The following DBF4B variants were observed in gnomAD, a reference collection of about 807,000 sequenced individuals.
The protein encoded by DBF4B is DBF4B-CDC7 kinase regulatory subunit.
Under a neutral mutation model 53.4 loss-of-function variants are expected in DBF4B, and 49 were observed. The ratio of observed to expected loss-of-function variants is 0.92; its 90% CI spans 0.73 to 1.16. DBF4B has a LOEUF of 1.16. Among genes scored for constraint, DBF4B ranks in the 50% most tolerant of loss-of-function variants. The probability of loss-of-function intolerance (pLI) is 0.00; values close to 1 mark genes in which losing one functional copy is unlikely to be tolerated. For missense variants in DBF4B, 692 were observed against 775.0 expected, an observed-to-expected ratio of 0.89 and a Z score of 1.27; for synonymous variants, 257 against 288.7, an observed-to-expected ratio of 0.89 and a Z score of 1.11.
rs1285430473 is a variant in DBF4B, at chr17:44,734,183, T to G, written c.630+20T>G. 4 of 1,614,116 alleles carry G rather than the reference T, an allele frequency of 2.5e-6. No individual in the cohort carries two copies. Among genetic ancestry groups the G allele is most frequent in the Admixed American group, 3.3e-5 (2 of 60,016 alleles). ...CCAGAGGTAGGTCATCCTGCTGAAC[T>G]GAAGGACAAATGGATGGTTTTCAAT... is the stretch of plus-strand genomic sequence containing the variant. On this transcript the variant is annotated intron_variant, in intron 7 of 13. Coordinates refer to ENST00000315005, the MANE Select transcript of DBF4B (RefSeq NM_145663.3).
intron 2 of DBF4B, among the ~76,000 whole-genome samples, chr17:44,720,767 A>T (rs1488214620): frequency 6.6e-6 from 1 of 152,082 alleles, no homozygotes; most frequent in East Asian, 1.9e-4. Context: ...AAACTAACAC[A>T]TGGTTTTCCA....
intron 3 of DBF4B, among the ~76,000 whole-genome samples, chr17:44,726,685 T>A (rs1486487052): frequency 6.6e-6 from 1 of 152,206 alleles, no homozygotes; most frequent in Non-Finnish European, 1.5e-5. Context: ...TTGAGTGGAT[T>A]ATTAATTTAC....
At position 44,749,488 on chromosome 17, in the gene DBF4B, T is replaced by G. The variant is rs941434919; in HGVS notation, c.1189+1023T>G. 1.2e-5 allele frequency: 16 copies of G among 1,282,692 alleles called. No individual in the cohort carries two copies. The highest frequency in any genetic ancestry group is 1.5e-5 in the Non-Finnish European group (15 of 984,650). The allele number at this position is 1,282,692 out of a possible 1,614,324, so 79.5% of individuals were successfully genotyped here. A position where few individuals can be genotyped will look rare whatever the true frequency, so the allele number is the denominator to read the frequency against. Reference sequence around the variant, plus strand: ...CTAGAAGGAGGCCCGGGCCTGGCCTTTGAAGTCCAGCAAGCAGCTGTCACG... The same window carrying G: ...CTAGAAGGAGGCCCGGGCCTGGCCTGTGAAGTCCAGCAAGCAGCTGTCACG... On this transcript the variant is annotated intron_variant, in intron 13 of 13. Transcript: ENST00000315005. This position sits in a 1 kb window ranked among gnomAD's most constrained non-coding sequence, Gnocchi z 4.4.
rs534288914 is a variant in DBF4B at position 44,732,212 on chromosome 17, G to T, written c.503G>T (p.Ser168Ile). The T allele has an allele frequency of 1.1e-5, 18 of 1,614,030 alleles. No individual in the cohort carries two copies. In the Admixed American group the frequency reaches 3.0e-4, roughly 27 times the overall value. ...AGTGGAGGAGGCAGTGGGGGCAGCAGCAGCCTCCTGACCAATGCCCGCTCT... is the reference window on the plus strand; with the variant it reads ...AGTGGAGGAGGCAGTGGGGGCAGCATCAGCCTCCTGACCAATGCCCGCTCT... The part of the protein sequence containing the change: ...SISGGGSGGS[S>I]SLLTNARSWG... Residue 168 changes from serine (S) to isoleucine (I), a missense_variant, in exon 6 of 14, where the codon AGC becomes ATC. Transcript: ENST00000315005.
chr17:44,751,241 A>G lies in DBF4B; in HGVS notation c.1836A>G (p.Val612=). ...TTCTCCATTGCGGCTTCCTGGCTGTAGACTCAGGTTAGAGGTGAACCCAGA... is the reference window on the plus strand; with the variant it reads ...TTCTCCATTGCGGCTTCCTGGCTGTGGACTCAGGTTAGAGGTGAACCCAGA... The part of the protein sequence containing the change: ...QPFLHCGFLA[V]DSG Residue 612 remains valine (V), a synonymous_variant, in exon 14 of 14, where the codon GTA becomes GTG. Coordinates refer to ENST00000315005, the MANE Select transcript of DBF4B (RefSeq NM_145663.3). The G allele has an allele frequency of 6.2e-7, 1 of 1,612,978 alleles. No homozygotes were observed. The highest frequency in any genetic ancestry group is 8.5e-7 in the Non-Finnish European group (1 of 1,179,614).
Position 44,730,982 on chromosome 17 carries a change from G to C in DBF4B, c.435G>C (p.Gly145=). The C allele has an allele frequency of 6.2e-7, 1 of 1,614,054 alleles. No individual in the cohort carries two copies. Among genetic ancestry groups the C allele is most frequent in the South Asian group, 1.1e-5 (1 of 91,078 alleles). The change falls in exon 5 of 14, where the codon GGG becomes GGC. Residue 145 remains glycine, a synonymous_variant. Coordinates refer to ENST00000315005, the MANE Select transcript of DBF4B (RefSeq NM_145663.3). Reference sequence around the variant, plus strand: ...CCTGTCAGGTGCCTCTAAGCAGAGGGAAGGAGCTGCTGCAGAAGGCTATCA... The same window carrying C: ...CCTGTCAGGTGCCTCTAAGCAGAGGCAAGGAGCTGCTGCAGAAGGCTATCA... The part of the protein sequence containing the change: ...KPVDSVPLSR[G]KELLQKAIRN...
intron 2 of DBF4B, among the ~76,000 whole-genome samples, chr17:44,721,216 T>TCA (rs1973809132): frequency 8.5e-6 from 1 of 118,036 alleles, no homozygotes; most frequent in African/African-American, 3.8e-5. Context: ...AACTAATTCT[T>TCA]CCCCCCCCCT....
Position 44,741,341 on chromosome 17 carries a change from T to G in DBF4B, c.719T>G (p.Phe240Cys). Residue 240 changes from phenylalanine (F) to cysteine (C), a missense_variant, in exon 10 of 14, where the codon TTT becomes TGT. Transcript: ENST00000315005. ...FLKIEDESRK[F>C]RPFHHQFKSF... The stretch of plus-strand genomic sequence containing the variant: ...GGAAGTTTTCTCTGTTGCAGGAAGT[T>G]TCGTCCTTTCCATCATCAGTTTAAA... 1 of 1,611,204 alleles carries G rather than the reference T, an allele frequency of 6.2e-7. No homozygotes were observed. Among genetic ancestry groups the G allele is most frequent in the African/African-American group, 1.3e-5 (1 of 74,964 alleles).
Position 44,729,954 on chromosome 17 carries a change from G to A in DBF4B, c.275G>A (p.Arg92His), listed in dbSNP as rs140298749. The change falls in exon 4 of 14, where the codon CGC becomes CAC. Residue 92 changes from arginine to histidine, a missense_variant. Coordinates refer to ENST00000315005, the MANE Select transcript of DBF4B (RefSeq NM_145663.3). Reference protein sequence around the residue: ...SKEVSYIVSSRREVKAESSGK... With the variant: ...SKEVSYIVSSHREVKAESSGK... ...GAAGTAAGTTACATCGTGTCCAGCC[G>A]CAGAGAAGTAAAGGCAGAGAGCAGT... 3.3e-5 allele frequency: 53 copies of A among 1,613,990 alleles called. No homozygotes were observed. The highest frequency in any genetic ancestry group is 2.9e-4 in the East Asian group (13 of 44,882).
chr17:44,715,812 C>CTTTTTTTTTTTTTTTTT (rs869200833), intron 2 of DBF4B, among the ~76,000 whole-genome samples: 18 of 55,540 alleles, frequency 3.2e-4, no homozygotes, highest in South Asian at 6.6e-4. Flanking sequence ...TTCTTTCTTT[C>CTTTTTTTTTTTTTTTTT]TTTTTTTTTT....
intron 2 of DBF4B, among the ~76,000 whole-genome samples, chr17:44,710,976 ATTTTTTTTTTTTTTT>A (rs10522434): frequency 4.1e-5 from 4 of 98,290 alleles, no homozygotes; most frequent in African/African-American, 2.1e-4. Flanking sequence ...TTCCAGTTTG[ATTTTTTTTTTTTTTT>A]TTTTTTTTTT....
chr17:44,750,779 T>C lies in DBF4B; in HGVS notation c.1374T>C (p.Thr458=). ...PASFTQSHLV[T]SLALLPGEWS... ...CCTTTACCCAGTCTCATCTGGTCAC[T>C]TCCTTGGCTCTGCTGCCTGGGGAGT... The change falls in exon 14 of 14, where the codon ACT becomes ACC. Residue 458 remains threonine, a synonymous_variant. Transcript: ENST00000315005. 6.2e-7 allele frequency: 1 copy of C among 1,614,216 alleles called. No homozygotes were observed. The highest frequency in any genetic ancestry group is 8.5e-7 in the Non-Finnish European group (1 of 1,180,038).
chr17:44,741,574 G>C (rs1004590103), intron 10 of DBF4B, 122 bp downstream of exon 10: 7 of 623,488 alleles, frequency 1.1e-5, no homozygotes, highest in Non-Finnish European at 2.0e-5. Flanking sequence ...AGTCTATTCT[G>C]GGAACGTAGC....
rs1169844875 is a variant in DBF4B at position 44,736,817 on chromosome 17, C to T, written c.631-13C>T. The T allele has an allele frequency of 2.5e-6, 4 of 1,613,862 alleles. No individual in the cohort carries two copies. Among genetic ancestry groups the T allele is most frequent in the Non-Finnish European group, 3.4e-6 (4 of 1,179,960 alleles). ...TTCCTCACATCCTTAACCTATTTTT[C>T]CTTTCCATTTAGGGAACATGTCCAG... On this transcript the variant is annotated splice_polypyrimidine_tract_variant and intron_variant, in intron 7 of 13. Transcript: ENST00000315005.
At chr17:44,743,683 T>G (rs966707142) in intron 10 of DBF4B, among the ~76,000 whole-genome samples, 1 of 149,264 alleles carries the variant, frequency 6.7e-6, no homozygotes, top group African/African-American at 2.5e-5. Context: ...TGATCTCTGC[T>G]CACTGCAACC....
chr17:44,748,635 C>T (rs1319451080), intron 13 of DBF4B, 170 bp downstream of exon 13: 5 of 1,503,972 alleles, frequency 3.3e-6, no homozygotes, highest in Non-Finnish European at 3.6e-6. Context: ...CTTGCCAATG[C>T]CTCCTGCCTA....
chr17:44,734,224 T>G, intron 7 of DBF4B, 61 bp downstream of exon 7: 1 of 1,607,138 alleles, frequency 6.2e-7, no homozygotes, highest in Non-Finnish European at 8.5e-7. Context: ...CAGTGACAAC[T>G]TAGGTAAATC....
At position 44,751,106 on chromosome 17, in the gene DBF4B, T is replaced by G. The variant is rs141586281; in HGVS notation, c.1701T>G (p.Ile567Met). The change falls in exon 14 of 14, where the codon ATT becomes ATG. Residue 567 changes from isoleucine to methionine, a missense_variant. Coordinates refer to ENST00000315005, the MANE Select transcript of DBF4B (RefSeq NM_145663.3). ...CCTCATTGTCAACTGCAGGACCCATTCCCCGAACCTCACATCCGTGTACCC... is the reference window on the plus strand; with the variant it reads ...CCTCATTGTCAACTGCAGGACCCATGCCCCGAACCTCACATCCGTGTACCC... ...RVPSLSTAGP[I>M]PRTSHPCTLA... 120 of 1,614,080 alleles carry G rather than the reference T, an allele frequency of 7.4e-5. 1 individual carries two copies. In the African/African-American group the frequency reaches 1.4e-3, roughly 19 times the overall value.
chr17:44,735,242 C>T (rs1975268606), intron 7 of DBF4B, among the ~76,000 whole-genome samples: 1 of 152,204 alleles, frequency 6.6e-6, no homozygotes, highest in Non-Finnish European at 1.5e-5. Flanking sequence ...AATTCTCGCC[C>T]TGCTCCAGCT....
Sources: allele counts gnomAD v4.1 joint callset (sites outside exome capture counted in the v4.1 genomes callset), GRCh38; gene constraint gnomAD v4.1.1; non-coding constraint Gnocchi (gnomAD v3.1); transcripts MANE v1.5; gene names NCBI Gene and HGNC (gene_info 2026-07-23, HGNC 2026-07-21).